The following ERI3 variants were observed in gnomAD, a reference collection of about 807,000 sequenced individuals.
ERI3 encodes the protein ERI1 exoribonuclease family member 3.
ERI3 carries 18 observed loss-of-function variants against 44.4 expected under a neutral mutation model. The ratio of observed to expected loss-of-function variants is 0.41; its 90% CI spans 0.28 to 0.60. The LOEUF (loss-of-function observed/expected upper bound fraction) is 0.60. ERI3 is among the 20% of genes least tolerant of loss of function. ERI3 has a pLI of 0.36. For synonymous variants in ERI3, 183 were observed against 164.8 expected (o/e 1.11, Z -0.84); for missense variants, 294 against 435.5 (o/e 0.68, Z 2.89).
chr1:44,258,873 A>C (rs1452248087), intron 7 of ERI3, among the ~76,000 whole-genome samples: 1 of 152,210 alleles, frequency 6.6e-6, no homozygotes, highest in Non-Finnish European at 1.5e-5. Flanking sequence ...AGGGAAAAAA[A>C]GGATGAGAAG....
Position 44,355,055 on chromosome 1 carries a change from GGCAGGCTCCCTCCAGGT to G in ERI3, c.-46_-30del. ...AACGCCCCCTCCTCGGGGCCAGCGC[GGCAGGCTCCCTCCAGGT>G]GCAGGCCCCGACGTCTCCCTCGGCC... On this transcript the variant is annotated 5_prime_UTR_variant, in exon 1 of 9. Transcript: ENST00000372257. 1 of 1,355,362 alleles carries G rather than the reference GGCAGGCTCCCTCCAGGT, an allele frequency of 7.4e-7. No individual in the cohort carries two copies. Among genetic ancestry groups the G allele is most frequent in the Non-Finnish European group, 9.5e-7 (1 of 1,049,534 alleles). The allele number at this position is 1,355,362 out of a possible 1,614,324, so 84.0% of individuals were successfully genotyped here. A position where few individuals can be genotyped will look rare whatever the true frequency, so the allele number is the denominator to read the frequency against.
chr1:44,304,236 T>C (rs942948486), intron 6 of ERI3, among the ~76,000 whole-genome samples: 4 of 152,014 alleles, frequency 2.6e-5, no homozygotes, highest in Non-Finnish European at 4.4e-5. Flanking sequence ...GAGAAAAAGA[T>C]TAGAAGACAT....
At chr1:44,306,771 G>C (rs1645844566) in intron 6 of ERI3, among the ~76,000 whole-genome samples, 1 of 152,254 alleles carries the variant, frequency 6.6e-6, no homozygotes, top group Non-Finnish European at 1.5e-5. Flanking sequence ...GAACAACACT[G>C]GATGAAGGGA....
In ERI3 at chr1:44,339,198, A is replaced by G; in HGVS notation, c.336T>C (p.Val112=). ...TGGTGGATATGGAGCAGAACTCCGG[A>G]ACACCACAGGGAGAAAATAAGTGGG... ...LGSHLFSPCG[V]PEFCSISTRK... is the part of the protein sequence containing the mutation. The change falls in exon 3 of 9, where the codon GTT becomes GTC. Residue 112 remains valine (V), a synonymous_variant. Coordinates refer to ENST00000372257, the MANE Select transcript of ERI3 (RefSeq NM_024066.3). The G allele has an allele frequency of 6.2e-7, 1 of 1,614,118 alleles. No individual in the cohort carries two copies. Among genetic ancestry groups the G allele is most frequent in the Non-Finnish European group, 8.5e-7 (1 of 1,180,010 alleles).
intron 6 of ERI3, among the ~76,000 whole-genome samples, chr1:44,286,545 G>A (rs1437912550): frequency 6.6e-6 from 1 of 152,036 alleles, no homozygotes; most frequent in African/African-American, 2.4e-5. Flanking sequence ...GATCACCCGG[G>A]GAACAGAATA....
intron 6 of ERI3, among the ~76,000 whole-genome samples, chr1:44,304,302 T>C (rs752983085): frequency 1.3e-5 from 2 of 151,950 alleles, no homozygotes; most frequent in East Asian, 1.9e-4. Context: ...CTGGTAAGTG[T>C]GAATGTGTAG....
At chr1:44,257,848 T>A (rs912833925) in intron 7 of ERI3, among the ~76,000 whole-genome samples, 1 of 152,140 alleles carries the variant, frequency 6.6e-6, no homozygotes, top group African/African-American at 2.4e-5. Context: ...TCCTCCCCAA[T>A]CCTCTCGCAG....
intron 6 of ERI3, 84 bp from the exon 7 acceptor site, chr1:44,284,991 A>AT (rs774860257): frequency 1.7e-6 from 2 of 1,185,758 alleles, no homozygotes; most frequent in Non-Finnish European, 2.5e-6. Context: ...CCAACAGAGC[A>AT]TACAAGACAA....
intron 3 of ERI3, among the ~76,000 whole-genome samples, chr1:44,321,650 T>G (rs1443073642): frequency 6.6e-6 from 1 of 152,206 alleles, no homozygotes; most frequent in Non-Finnish European, 1.5e-5. Flanking sequence ...CGATGTGTCC[T>G]TCCTCTTCCC....
intron 8 of ERI3, among the ~76,000 whole-genome samples, chr1:44,237,642 T>C (rs1236897556): frequency 6.6e-6 from 1 of 152,146 alleles, no homozygotes; most frequent in African/African-American, 2.4e-5. Context: ...CCAGGCACCC[T>C]AGCTCTCTAG....
At chr1:44,296,677 AC>A (rs914536753) in intron 6 of ERI3, among the ~76,000 whole-genome samples, 1 of 151,890 alleles carries the variant, frequency 6.6e-6, no homozygotes, top group African/African-American at 2.4e-5. Flanking sequence ...GCATCCTTCC[AC>A]CTTTTAGGGG....
chr1:44,258,572 A>T (rs975441303), intron 7 of ERI3, among the ~76,000 whole-genome samples: 2 of 152,168 alleles, frequency 1.3e-5, no homozygotes, highest in African/African-American at 4.8e-5. Flanking sequence ...GGTCAAGCAG[A>T]CCAAGCCACT....
Position 44,308,418 on chromosome 1 carries a change from A to G in ERI3, c.667-17T>C. On this transcript the variant is annotated splice_polypyrimidine_tract_variant and intron_variant, in intron 5 of 8. Coordinates refer to ENST00000372257, the MANE Select transcript of ERI3 (RefSeq NM_024066.3). ...ATCGACCCTCTGAAAAGTACACAAG[A>G]ACAAATGAGATTTTCCTTTTTTTTC... The G allele has an allele frequency of 6.2e-7, 1 of 1,608,778 alleles. No individual in the cohort carries two copies. Among genetic ancestry groups the G allele is most frequent in the Non-Finnish European group, 8.5e-7 (1 of 1,175,120 alleles).
At chr1:44,294,435 G>A (rs971247555) in intron 6 of ERI3, among the ~76,000 whole-genome samples, 5 of 152,206 alleles carry the variant, frequency 3.3e-5, no homozygotes, top group African/African-American at 1.2e-4. Context: ...CAAACACGCT[G>A]TGGAACCATA....
intron 2 of ERI3, among the ~76,000 whole-genome samples, chr1:44,340,482 C>T (rs1011922513): frequency 1.3e-5 from 2 of 152,196 alleles, no homozygotes; most frequent in African/African-American, 4.8e-5. Flanking sequence ...GGGCACCTGG[C>T]TCCCTTCACA....
At chr1:44,322,398 G>A (rs920247366) in intron 3 of ERI3, among the ~76,000 whole-genome samples, 7 of 150,264 alleles carry the variant, frequency 4.7e-5, no homozygotes, top group African/African-American at 1.7e-4. Flanking sequence ...AAAAAAAAAA[G>A]GAGGGGGGTA....
At chr1:44,318,825 A>G (rs961143950) in intron 4 of ERI3, among the ~76,000 whole-genome samples, 7 of 152,286 alleles carry the variant, frequency 4.6e-5, no homozygotes, top group African/African-American at 1.7e-4. Context: ...GATTCTCATC[A>G]CCCCTGCTAC....
At chr1:44,311,280 T>C (rs1645966607) in intron 5 of ERI3, among the ~76,000 whole-genome samples, 1 of 152,120 alleles carries the variant, frequency 6.6e-6, no homozygotes, top group Admixed American at 6.5e-5. Context: ...CCTGGAATCT[T>C]AGGACCCCGG....
intron 7 of ERI3, among the ~76,000 whole-genome samples, chr1:44,264,045 C>G (rs999338460): frequency 1.1e-4 from 17 of 152,166 alleles, no homozygotes; most frequent in African/African-American, 4.1e-4. Context: ...AGTTCTAGAG[C>G]TCACTCCCTC....
Sources: allele counts gnomAD v4.1 joint callset (sites outside exome capture counted in the v4.1 genomes callset), GRCh38; gene constraint gnomAD v4.1.1; transcripts MANE v1.5; gene names NCBI Gene and HGNC (gene_info 2026-07-23, HGNC 2026-07-21).